FNDC3A: variants seen among roughly 807,000 people sequenced by gnomAD.
The protein encoded by FNDC3A is fibronectin type-III domain-containing protein 3A.
Under a neutral mutation model 148.9 loss-of-function variants are expected in FNDC3A, and 32 were observed. That is an observed-to-expected ratio of 0.21 (90% CI 0.16 to 0.29). FNDC3A has a LOEUF of 0.29. FNDC3A is among the 10% of genes least tolerant of loss of function. The pLI is 1.00. For missense variants in FNDC3A, 1,191 were observed against 1,452.8 expected (o/e 0.82, Z 2.93); for synonymous variants, 472 against 473.6 (o/e 1.00, Z 0.04).
At chr13:49,126,000 A>G (rs1881669430) in intron 4 of FNDC3A, among the ~76,000 whole-genome samples, 1 of 152,132 alleles carries the variant, frequency 6.6e-6, no homozygotes, top group Non-Finnish European at 1.5e-5. Flanking sequence ...AATTTGAATT[A>G]TATTTTATCT....
At chr13:48,980,747 A>G (rs374336642) in intron 1 of FNDC3A, among the ~76,000 whole-genome samples, 6 of 152,300 alleles carry the variant, frequency 3.9e-5, no homozygotes, top group African/African-American at 1.4e-4. Flanking sequence ...GTGATGCCTC[A>G]CGCTGTGGCT....
chr13:49,005,431 T>C (rs1056521294), intron 1 of FNDC3A, among the ~76,000 whole-genome samples: 1 of 151,976 alleles, frequency 6.6e-6, no homozygotes, highest in Non-Finnish European at 1.5e-5. Flanking sequence ...TAATATTGCT[T>C]ACATCATCTT....
intron 23 of FNDC3A, among the ~76,000 whole-genome samples, chr13:49,198,778 A>C (rs1439593222): frequency 6.6e-6 from 1 of 152,184 alleles, no homozygotes; most frequent in African/African-American, 2.4e-5. Flanking sequence ...AAAAAAATTT[A>C]TTTTAATGAA....
At chr13:49,114,857 C>G in intron 4 of FNDC3A, 126 bp downstream of exon 4, 1 of 722,504 alleles carries the variant, frequency 1.4e-6, no homozygotes, top group Admixed American at 2.1e-5. Flanking sequence ...GTGTATCTAT[C>G]ATAAATCTAT....
At chr13:49,152,448 A>G (rs1883362205) in intron 8 of FNDC3A, among the ~76,000 whole-genome samples, 2 of 151,826 alleles carry the variant, frequency 1.3e-5, no homozygotes, top group Admixed American at 1.3e-4. Flanking sequence ...ATTTGTTTTA[A>G]GTTCTTTGTA....
intron 2 of FNDC3A, among the ~76,000 whole-genome samples, chr13:49,030,812 G>A (rs1874056389): frequency 6.6e-6 from 1 of 152,110 alleles, no homozygotes; most frequent in African/African-American, 2.4e-5. Context: ...AATATAAGAT[G>A]TATACACTGA....
At chr13:49,019,509 C>T (rs1873148707) in intron 2 of FNDC3A, among the ~76,000 whole-genome samples, 1 of 152,204 alleles carries the variant, frequency 6.6e-6, no homozygotes, top group Admixed American at 6.5e-5. Flanking sequence ...GTCTGGCACT[C>T]CCTAGTGAGA....
At chr13:48,981,691 C>T (rs1057263487) in intron 1 of FNDC3A, among the ~76,000 whole-genome samples, 4 of 151,996 alleles carry the variant, frequency 2.6e-5, no homozygotes, top group Non-Finnish European at 4.4e-5. Flanking sequence ...TCTCTTTCTC[C>T]TTCACTTCTT....
intron 2 of FNDC3A, among the ~76,000 whole-genome samples, chr13:49,051,437 G>A (rs1211645241): frequency 6.6e-6 from 1 of 152,150 alleles, no homozygotes; most frequent in Non-Finnish European, 1.5e-5. Context: ...ATGAAACTTA[G>A]TTTTACTGGA....
Position 49,158,105 on chromosome 13 carries a change from C to A in FNDC3A, c.978-9139C>A, listed in dbSNP as rs986554879. On this transcript the variant is annotated intron_variant, in intron 8 of 25. Transcript: ENST00000492622. Reference sequence around the variant, plus strand: ...CTAAGCAAGCCAGGGCAATGGCGGGCGCCCCTCCCCCAGCCTCGCTGTCGC... The same window carrying A: ...CTAAGCAAGCCAGGGCAATGGCGGGAGCCCCTCCCCCAGCCTCGCTGTCGC... 2.6e-5 allele frequency among the ~76,000 whole-genome samples: 4 copies of A among 152,298 alleles called. No homozygotes were observed. The South Asian group carries it at 8.3e-4, about 32-fold the overall frequency.
At chr13:48,979,964 A>G (rs547336475) in intron 1 of FNDC3A, among the ~76,000 whole-genome samples, 1 of 152,216 alleles carries the variant, frequency 6.6e-6, no homozygotes, top group South Asian at 2.1e-4. Flanking sequence ...TGGCAAAGTA[A>G]TTGTCCATAT....
chr13:49,146,064 T>C, intron 8 of FNDC3A, 129 bp downstream of exon 8: 2 of 640,772 alleles, frequency 3.1e-6, no homozygotes, highest in Non-Finnish European at 2.6e-6. Flanking sequence ...TGGCTAATGA[T>C]AGTGATTTCA....
In FNDC3A at chr13:49,016,904, G is replaced by C. The variant is rs1042870394; in HGVS notation, c.99+10615G>C. ...CAGGTTGTTCAGTTTCCATGTAGTT[G>C]AGCGGTTTTGAGTGAGATTCTTAAT... is the stretch of plus-strand genomic sequence containing the variant. On this transcript the variant is annotated intron_variant, in intron 2 of 25. Transcript: ENST00000492622. Among the ~76,000 whole-genome samples, 204 of 150,826 alleles carry C rather than the reference G, an allele frequency of 1.4e-3. 1 individual carries two copies. The highest frequency in any genetic ancestry group is 4.7e-3 in the African/African-American group (196 of 41,284).
chr13:49,164,220 C>G (rs762015962), intron 8 of FNDC3A, among the ~76,000 whole-genome samples: 1 of 152,178 alleles, frequency 6.6e-6, no homozygotes, highest in Non-Finnish European at 1.5e-5. Flanking sequence ...ATCCCATTCC[C>G]TGCTGGTTTG....
chr13:49,049,281 C>T (rs897362567), intron 2 of FNDC3A, among the ~76,000 whole-genome samples: 1 of 151,748 alleles, frequency 6.6e-6, no homozygotes, highest in Non-Finnish European at 1.5e-5. Context: ...TTTTTTGTTT[C>T]GTCCTTCCCT....
At chr13:49,089,147 A>G (rs944039019) in intron 3 of FNDC3A, among the ~76,000 whole-genome samples, 3 of 152,198 alleles carry the variant, frequency 2.0e-5, no homozygotes, top group Non-Finnish European at 4.4e-5. Context: ...AAATGTACCT[A>G]ATATTGAACC....
chr13:49,136,865 T>A (rs879530902), intron 6 of FNDC3A, among the ~76,000 whole-genome samples: 3 of 152,158 alleles, frequency 2.0e-5, no homozygotes, highest in Non-Finnish European at 4.4e-5. Flanking sequence ...GATAAGGCTA[T>A]GCTGCTGGTT....
At chr13:48,995,795 A>G (rs997112713) in intron 1 of FNDC3A, among the ~76,000 whole-genome samples, 5 of 152,238 alleles carry the variant, frequency 3.3e-5, no homozygotes, top group African/African-American at 1.2e-4. Flanking sequence ...TGTTAAATAC[A>G]GTCTATGAAA....
intron 2 of FNDC3A, among the ~76,000 whole-genome samples, chr13:49,064,188 A>G (rs1296175230): frequency 6.6e-6 from 1 of 152,078 alleles, no homozygotes; most frequent in African/African-American, 2.4e-5. Context: ...TAAAAATACA[A>G]AAATTAGCCG....
Sources: gnomAD v4.1 joint callset for allele counts (sites outside exome capture counted in the v4.1 genomes callset) on GRCh38, gnomAD v4.1.1 for gene constraint, MANE v1.5 for transcripts, NCBI Gene and HGNC (gene_info 2026-07-23, HGNC 2026-07-21) for gene names.